MAP1B: variants seen among roughly 807,000 people sequenced by gnomAD.
The protein encoded by MAP1B is microtubule-associated protein 1B.
MAP1B carries 12 observed loss-of-function variants against 176.1 expected under a neutral mutation model. That is an observed-to-expected ratio of 0.07 (90% CI 0.04 to 0.11). The LOEUF (loss-of-function observed/expected upper bound fraction) is 0.11, where lower values mean the gene tolerates loss of function less well. Among genes scored for constraint, MAP1B ranks in the 10% least tolerant of loss-of-function variants. MAP1B has a pLI of 1.00. For missense variants in MAP1B, 2,523 were observed against 2,990.5 expected (o/e 0.84, Z 3.65); for synonymous variants, 1,044 against 1,135.0 (o/e 0.92, Z 1.61).
chr5:72,171,131 C>T (rs766323053), intron 2 of MAP1B, among the ~76,000 whole-genome samples: 41 of 152,080 alleles, frequency 2.7e-4, no homozygotes, highest in Non-Finnish European at 2.9e-4. Context: ...GAAGTCTTCC[C>T]TGCTCAGAAT....
intron 2 of MAP1B, among the ~76,000 whole-genome samples, chr5:72,149,358 G>A (rs1449363218): frequency 6.6e-6 from 1 of 152,336 alleles, no homozygotes; most frequent in African/African-American, 2.4e-5. Context: ...TCGGGAAAAT[G>A]TACTAATTAA....
chr5:72,141,429 G>C (rs184901856), intron 2 of MAP1B, among the ~76,000 whole-genome samples: 1 of 152,368 alleles, frequency 6.6e-6, no homozygotes, highest in African/African-American at 2.4e-5. Flanking sequence ...TGAATTCAGA[G>C]CCTTCATGCT....
In MAP1B at chr5:72,194,209, A is replaced by G. The variant is rs1417461010; in HGVS notation, c.854A>G (p.Asn285Ser). 1.2e-6 allele frequency: 2 copies of G among 1,614,080 alleles called. No individual in the cohort carries two copies. Among genetic ancestry groups the G allele is most frequent in the Non-Finnish European group, 8.5e-7 (1 of 1,180,050 alleles). ...FAVNGFNMLI[N>S]GGSERKSCFW... ...GTGAATGGTTTCAATATGCTCATCAATGGCGGATCAGAGAGAAAATCCTGC... is the reference window on the plus strand; with the variant it reads ...GTGAATGGTTTCAATATGCTCATCAGTGGCGGATCAGAGAGAAAATCCTGC... Residue 285 changes from asparagine to serine, a missense_variant, in exon 5 of 7, where the codon AAT (asparagine) becomes AGT (serine). Coordinates refer to ENST00000296755, the MANE Select transcript of MAP1B (RefSeq NM_005909.5). This position sits in a 1 kb window ranked among gnomAD's most constrained non-coding sequence, Gnocchi z 7.2.
Position 72,198,650 on chromosome 5 carries a change from C to T in MAP1B, c.5295C>T (p.Leu1765=), listed in dbSNP as rs1580026958. The T allele has an allele frequency of 6.2e-7, 1 of 1,614,202 alleles. No homozygotes were observed. Residue 1765 remains leucine (L), a synonymous_variant, in exon 5 of 7, where the codon CTC becomes CTT. Coordinates refer to ENST00000296755, the MANE Select transcript of MAP1B (RefSeq NM_005909.5). ...GAGATATGTCCTTATATGCCTCACT[C>T]ACCTCTGAAAAAGTGCAAAGTCTGG... is the stretch of plus-strand genomic sequence containing the variant. ...PPRDMSLYAS[L]TSEKVQSLEG...
Position 72,199,104 on chromosome 5 carries a change from A to C in MAP1B, c.5749A>C (p.Ser1917Arg), listed in dbSNP as rs13153166. The stretch of plus-strand genomic sequence containing the variant: ...GATAGAGAGAACCACAAAATCTCCA[A>C]GTGACAGTGGCTACTCCTATGAGAC... The part of the protein sequence containing the change: ...EKIERTTKSP[S>R]DSGYSYETIG... Residue 1917 changes from serine (S) to arginine (R), a missense_variant, in exon 5 of 7, where the codon AGT becomes CGT. Ser to Arg is a moderately radical substitution (Grantham distance 110, BLOSUM62 -1). Around this residue, in one of 4 missense-constraint regions of MAP1B, gnomAD observed 1,925 missense variants for 2,126.0 expected, o/e 0.91. Transcript: ENST00000296755. This position sits in a 1 kb window ranked among gnomAD's most constrained non-coding sequence, Gnocchi z 4.2. The C allele has an allele frequency of 0.04, 64,342 of 1,614,098 alleles. 1,497 individuals carry two copies. The highest frequency in any genetic ancestry group is 0.048 in the Non-Finnish European group (56,309 of 1,179,978).
intron 2 of MAP1B, among the ~76,000 whole-genome samples, chr5:72,154,538 T>G (rs1746195174): frequency 6.6e-6 from 1 of 152,192 alleles, no homozygotes; most frequent in Admixed American, 6.5e-5. Flanking sequence ...GGTTTATCAT[T>G]CAGCGGTCCC....
In MAP1B at chr5:72,115,965, C is replaced by A. The variant is rs1427356465; in HGVS notation, c.286+166C>A. The A allele has an allele frequency of 2.7e-5, 15 of 563,250 alleles. No individual in the cohort carries two copies. The East Asian group carries it at 4.8e-4, about 18-fold the overall frequency. The allele number at this position is 563,250 out of a possible 1,614,324, so 34.9% of individuals were successfully genotyped here. On this transcript the variant is annotated intron_variant, in intron 2 of 6. Transcript: ENST00000296755. ...AGCAGCCACAGTTTAGGAAGTCACT[C>A]TAGGTTATCACTGTGTGGGTTATCT... is the stretch of plus-strand genomic sequence containing the variant.
At chr5:72,127,157 T>A (rs1044760507) in intron 2 of MAP1B, among the ~76,000 whole-genome samples, 3 of 152,250 alleles carry the variant, frequency 2.0e-5, no homozygotes, top group African/African-American at 7.2e-5. Context: ...GCACATTGTT[T>A]GTTATCGCTA....
chr5:72,196,987 C>G lies in MAP1B; in HGVS notation c.3632C>G (p.Ser1211Cys). The G allele has an allele frequency of 6.2e-7, 1 of 1,614,240 alleles. No homozygotes were observed. The highest frequency in any genetic ancestry group is 8.5e-7 in the Non-Finnish European group (1 of 1,180,048). The change falls in exon 5 of 7, where the codon TCT becomes TGT. Residue 1211 changes from serine to cysteine, a missense_variant. Ser to Cys is a moderately radical substitution (Grantham distance 112). Transcript: ENST00000296755. The surrounding 1 kb of genome is among the most constrained non-coding windows in gnomAD (Gnocchi z 5.3). ...NASASTISPPSSMEEDKFSRS... is the reference protein window; with the variant it reads ...NASASTISPPCSMEEDKFSRS... ...TCAGCCTCTACCATATCACCACCCT[C>G]TTCCATGGAGGAAGACAAATTCAGC...
chr5:72,205,402 G>A lies in MAP1B; in HGVS notation c.*163G>A. Reference sequence around the variant, plus strand: ...GTGATGCAAGTCACTAAATTTCTCAGTTTTTGCTGATTGCTAAGGGAAATA... The same window carrying A: ...GTGATGCAAGTCACTAAATTTCTCAATTTTTGCTGATTGCTAAGGGAAATA... On this transcript the variant is annotated 3_prime_UTR_variant, in exon 7 of 7. Coordinates refer to ENST00000296755, the MANE Select transcript of MAP1B (RefSeq NM_005909.5). The A allele has an allele frequency of 3.0e-6, 2 of 676,946 alleles. No homozygotes were observed. The highest frequency in any genetic ancestry group is 3.4e-5 in the Admixed American group (1 of 29,326). 41.9% of individuals were successfully genotyped at this position (676,946 alleles called of 1,614,324 possible).
intron 2 of MAP1B, chr5:72,179,986 G>C (rs1169480670): frequency 1.0e-6 from 1 of 960,892 alleles, no homozygotes; most frequent in Non-Finnish European, 1.2e-6. Flanking sequence ...CCGGTGGATG[G>C]TAAGAAGGCT....
chr5:72,164,056 C>A (rs1746381310), intron 2 of MAP1B, among the ~76,000 whole-genome samples: 1 of 150,130 alleles, frequency 6.7e-6, no homozygotes. Flanking sequence ...CCTCAACATC[C>A]CAAGTAGCTA....
chr5:72,132,370 C>T (rs563139773), intron 2 of MAP1B, among the ~76,000 whole-genome samples: 1 of 152,268 alleles, frequency 6.6e-6, no homozygotes, highest in African/African-American at 2.4e-5. Context: ...TTCCCATGTG[C>T]TCTTATCATT....
At chr5:72,109,145 C>A (rs773496480) in intron 1 of MAP1B, among the ~76,000 whole-genome samples, 2 of 152,088 alleles carry the variant, frequency 1.3e-5, no homozygotes, top group Non-Finnish European at 2.9e-5. Context: ...GGCCACTTGT[C>A]CCCAGAACAA....
At chr5:72,168,420 A>G (rs1418619381) in intron 2 of MAP1B, among the ~76,000 whole-genome samples, 1 of 152,238 alleles carries the variant, frequency 6.6e-6, no homozygotes, top group Non-Finnish European at 1.5e-5. Flanking sequence ...TATTTACGAA[A>G]GAGCAAAGAG....
rs777754669 is a variant in MAP1B, at chr5:72,197,025, C to T, written c.3670C>T (p.Arg1224Cys). 146 of 1,614,052 alleles carry T rather than the reference C, an allele frequency of 9.0e-5. No homozygotes were observed. The highest frequency in any genetic ancestry group is 1.1e-4 in the Non-Finnish European group (130 of 1,180,038). ...AGACAAATTCAGCAGATCTGCTTTA[C>T]GTGATGCTTACTGCTCTGAAGTGAA... ...EEDKFSRSAL[R>C]DAYCSEVKAS... The change falls in exon 5 of 7, where the codon CGT (arginine) becomes TGT (cysteine). Residue 1224 changes from arginine (R) to cysteine (C), a missense_variant. Physicochemically the swap from Arg to Cys is radical, Grantham distance 180 (BLOSUM62 -3). Transcript: ENST00000296755.
At chr5:72,151,949 C>T (rs1003169364) in intron 2 of MAP1B, among the ~76,000 whole-genome samples, 7 of 152,138 alleles carry the variant, frequency 4.6e-5, no homozygotes, top group Non-Finnish European at 7.4e-5. Context: ...GTTCTTGTTT[C>T]CCCTTCACCC....
Position 72,195,049 on chromosome 5 carries a change from C to A in MAP1B, c.1694C>A (p.Thr565Asn), listed in dbSNP as rs1747119481. The part of the protein sequence containing the change: ...KSVRKESKEE[T>N]PEVTKVNHVE... ...GTGCGCAAGGAGTCAAAAGAAGAAA[C>A]CCCTGAGGTCACAAAAGTGAATCAC... The change falls in exon 5 of 7, where the codon ACC becomes AAC. Residue 565 changes from threonine (T) to asparagine (N), a missense_variant. Thr to Asn is a moderately conservative substitution (Grantham distance 65). This residue lies in a region of MAP1B where 1,925 missense variants were observed against 2,126.0 expected (regional missense o/e 0.91). Transcript: ENST00000296755. 1.9e-6 allele frequency: 3 copies of A among 1,614,040 alleles called. No homozygotes were observed. Among genetic ancestry groups the A allele is most frequent in the Non-Finnish European group, 2.5e-6 (3 of 1,180,016 alleles).
chr5:72,131,970 C>G (rs1335475740), intron 2 of MAP1B, among the ~76,000 whole-genome samples: 1 of 152,184 alleles, frequency 6.6e-6, no homozygotes, highest in Non-Finnish European at 1.5e-5. Context: ...TGATTGATAT[C>G]TCTTGGTCCT....
Sources: gnomAD v4.1 joint callset for allele counts (sites outside exome capture counted in the v4.1 genomes callset) on GRCh38, gnomAD v4.1.1 for gene constraint, gnomAD v4.1.1 regional missense constraint, Gnocchi (gnomAD v3.1) non-coding constraint, MANE v1.5 for transcripts, NCBI Gene and HGNC (gene_info 2026-07-23, HGNC 2026-07-21) for gene names.